SUCLG1: variants seen among roughly 807,000 people sequenced by gnomAD.
SUCLG1 encodes the protein succinate-CoA ligase GDP/ADP-forming subunit alpha, also known as succinate--CoA ligase [ADP/GDP-forming] subunit alpha, mitochondrial.
In SUCLG1, 26 loss-of-function variants were observed where a neutral mutation model predicts 37.3. The observed-to-expected ratio is 0.70, with a 90% CI of 0.51 to 0.97. SUCLG1 has a LOEUF of 0.97. Among genes scored for constraint, SUCLG1 ranks in the 50% least tolerant of loss-of-function variants. SUCLG1 has a pLI of 0.00. For synonymous variants in SUCLG1, 163 were observed against 155.6 expected, an observed-to-expected ratio of 1.05 and a Z score of -0.36; for missense variants, 433 against 432.9, an observed-to-expected ratio of 1.00 and a Z score of 0.00.
chr2:84,445,039 G>A (rs1409220948), intron 2 of SUCLG1, among the ~76,000 whole-genome samples: 1 of 152,050 alleles, frequency 6.6e-6, no homozygotes, highest in African/African-American at 2.4e-5. Flanking sequence ...AGGGTCCTGA[G>A]GCGACATACA....
At position 84,433,375 on chromosome 2, in the gene SUCLG1, C is replaced by A; in HGVS notation, c.650G>T (p.Gly217Val). Residue 217 changes from glycine to valine, a missense_variant, in exon 6 of 9, where the codon GGA (glycine) becomes GTA (valine). Gly to Val is a moderately radical substitution (Grantham distance 109). Coordinates refer to ENST00000393868, the MANE Select transcript of SUCLG1 (RefSeq NM_003849.4). ...YEAVHQTTQVGLGQSLCVGIG... is the reference protein window; with the variant it reads ...YEAVHQTTQVVLGQSLCVGIG... ...ACCAACGCACAAAGACTGCCCCAAT[C>A]CAACTTGCGTTGTTTGGTGAACTGC... The A allele has an allele frequency of 6.2e-7, 1 of 1,613,970 alleles. No individual in the cohort carries two copies.
intron 5 of SUCLG1, 114 bp downstream of exon 5, chr2:84,440,933 C>A: frequency 1.9e-6 from 2 of 1,041,236 alleles, no homozygotes; most frequent in Non-Finnish European, 2.9e-6. Context: ...CTGGTAAATT[C>A]TACTCAAGTC....
rs1162614335 is a variant in SUCLG1 at position 84,444,207 on chromosome 2, G to C, written c.202-807C>G. Among the ~76,000 whole-genome samples, 3 of 152,114 alleles carry C rather than the reference G, an allele frequency of 2.0e-5. No individual in the cohort carries two copies. In the South Asian group the frequency reaches 6.2e-4, roughly 32 times the overall value. ...CTTCTCTTTCTCTCTCCTTAGTATTGGGGGAAATTCAGCCAGATATTGGGC... is the reference window on the plus strand; with the variant it reads ...CTTCTCTTTCTCTCTCCTTAGTATTCGGGGAAATTCAGCCAGATATTGGGC... On this transcript the variant is annotated intron_variant, in intron 2 of 8. Coordinates refer to ENST00000393868, the MANE Select transcript of SUCLG1 (RefSeq NM_003849.4).
At chr2:84,428,831 C>T (rs1672574077) in intron 7 of SUCLG1, among the ~76,000 whole-genome samples, 1 of 152,184 alleles carries the variant, frequency 6.6e-6, no homozygotes, top group African/African-American at 2.4e-5. Flanking sequence ...ACTCTTTGTC[C>T]TTAACTCCTT....
intron 2 of SUCLG1, among the ~76,000 whole-genome samples, chr2:84,444,762 C>A (rs763344433): frequency 2.0e-5 from 3 of 152,104 alleles, no homozygotes; most frequent in Non-Finnish European, 2.9e-5. Flanking sequence ...CCCGAAGTGG[C>A]CATTTTAGAG....
At chr2:84,449,547 T>C in intron 2 of SUCLG1, 102 bp downstream of exon 2, 1 of 809,186 alleles carries the variant, frequency 1.2e-6, no homozygotes, top group East Asian at 2.7e-5. Flanking sequence ...TATATTTTTC[T>C]GCAACAATCA....
chr2:84,435,021 C>T (rs1220465444), intron 5 of SUCLG1, among the ~76,000 whole-genome samples: 1 of 152,192 alleles, frequency 6.6e-6, no homozygotes. Context: ...CAACTAAATC[C>T]TCGACGATGC....
At chr2:84,450,298 A>G (rs1390975407) in intron 1 of SUCLG1, among the ~76,000 whole-genome samples, 1 of 152,112 alleles carries the variant, frequency 6.6e-6, no homozygotes, top group Non-Finnish European at 1.5e-5. Flanking sequence ...GATAAAACTT[A>G]TCTAAAATAT....
At chr2:84,456,048 T>C (rs1327091006) in intron 1 of SUCLG1, among the ~76,000 whole-genome samples, 1 of 152,176 alleles carries the variant, frequency 6.6e-6, no homozygotes, top group African/African-American at 2.4e-5. Context: ...AAAGATTTGG[T>C]TATTACATGC....
At chr2:84,430,852 C>T (rs1176818739) in intron 7 of SUCLG1, among the ~76,000 whole-genome samples, 1 of 152,118 alleles carries the variant, frequency 6.6e-6, no homozygotes, top group East Asian at 1.9e-4. Context: ...CTGGTGGCCA[C>T]CACACTGCTT....
intron 7 of SUCLG1, chr2:84,425,820 C>A: frequency 1.7e-6 from 1 of 589,860 alleles, no homozygotes; most frequent in Admixed American, 2.8e-5. Context: ...CAACACTGTG[C>A]CAATGTCCGT....
chr2:84,458,952 T>A (rs1030667797), intron 1 of SUCLG1, among the ~76,000 whole-genome samples: 7 of 152,118 alleles, frequency 4.6e-5, no homozygotes, highest in Non-Finnish European at 1.0e-4. Flanking sequence ...CCACCCAATA[T>A]CTCCATCTGC....
chr2:84,428,422 G>A (rs1358414166), intron 7 of SUCLG1, among the ~76,000 whole-genome samples: 3 of 152,112 alleles, frequency 2.0e-5, no homozygotes, highest in African/African-American at 7.2e-5. Flanking sequence ...ACCTACTGTA[G>A]TACCTATGGT....
At chr2:84,447,725 C>A (rs1187029900) in intron 2 of SUCLG1, among the ~76,000 whole-genome samples, 1 of 152,020 alleles carries the variant, frequency 6.6e-6, no homozygotes, top group Non-Finnish European at 1.5e-5. Context: ...GATTATTTAG[C>A]TATCAGAATA....
Position 84,423,785 on chromosome 2 carries a change from A to AAG in SUCLG1, c.1015-15_1015-14dup, listed in dbSNP as rs762810685. The AAG allele has an allele frequency of 2.5e-6, 4 of 1,604,848 alleles. No individual in the cohort carries two copies. The highest frequency in any genetic ancestry group is 1.3e-5 in the African/African-American group (1 of 74,838). ...TCTTTTCAAATTCCTTCAGAAACAGAAGAGAGAGAGAAGAGAGATGGAATG... is the reference window on the plus strand; with the variant it reads ...TCTTTTCAAATTCCTTCAGAAACAGAAGAGAGAGAGAGAAGAGAGATGGAATG... On this transcript the variant is annotated splice_polypyrimidine_tract_variant and intron_variant, in intron 8 of 8. Transcript: ENST00000393868.
At chr2:84,455,270 G>A (rs1014939258) in intron 1 of SUCLG1, among the ~76,000 whole-genome samples, 25 of 152,112 alleles carry the variant, frequency 1.6e-4, no homozygotes, top group African/African-American at 4.8e-4. Context: ...TGAGGCGGGC[G>A]GATCACCTGA....
At chr2:84,449,540 A>G in intron 2 of SUCLG1, 109 bp downstream of exon 2, 1 of 763,824 alleles carries the variant, frequency 1.3e-6, no homozygotes, top group South Asian at 1.9e-5. Context: ...TGTACAGTAT[A>G]TTTTTCTGCA....
chr2:84,454,114 C>T (rs974730394), intron 1 of SUCLG1, among the ~76,000 whole-genome samples: 17 of 152,160 alleles, frequency 1.1e-4, no homozygotes, highest in Admixed American at 3.9e-4. Flanking sequence ...GGTTTACAAC[C>T]CTACATGAAC....
intron 7 of SUCLG1, among the ~76,000 whole-genome samples, chr2:84,427,529 G>C (rs779627416): frequency 6.6e-6 from 1 of 152,172 alleles, no homozygotes; most frequent in Non-Finnish European, 1.5e-5. Flanking sequence ...TCAGTTATCA[G>C]TATCACCATC....
Sources: gnomAD v4.1 joint callset for allele counts (sites outside exome capture counted in the v4.1 genomes callset) on GRCh38, gnomAD v4.1.1 for gene constraint, MANE v1.5 for transcripts, NCBI Gene and HGNC (gene_info 2026-07-23, HGNC 2026-07-21) for gene names.